The following CRPPA variants were observed in gnomAD, a reference collection of about 807,000 sequenced individuals.
CRPPA encodes the protein D-ribitol-5-phosphate cytidylyltransferase.
In CRPPA, 43 loss-of-function variants were observed where a neutral mutation model predicts 52.0. The observed-to-expected ratio is 0.83, with a 90% CI of 0.65 to 1.07. The LOEUF is 1.07. Among genes scored for constraint, CRPPA ranks in the 50% least tolerant of loss-of-function variants. The probability of loss-of-function intolerance (pLI) is 0.00; values close to 1 mark genes in which losing one functional copy is unlikely to be tolerated. For synonymous variants in CRPPA, 250 were observed against 203.5 expected (o/e 1.23, Z -1.94); for missense variants, 629 against 551.7 (o/e 1.14, Z -1.40).
At chr7:16,342,776 A>ATAT (rs1208824325) in intron 3 of CRPPA, among the ~76,000 whole-genome samples, 6 of 55,630 alleles carry the variant, frequency 1.1e-4, no homozygotes, top group African/African-American at 3.6e-4. Flanking sequence ...AAAAAAAAAA[A>ATAT]AAAAAAATAT....
intron 9 of CRPPA, among the ~76,000 whole-genome samples, chr7:16,182,615 T>C (rs935127477): frequency 6.6e-6 from 1 of 152,136 alleles, no homozygotes; most frequent in African/African-American, 2.4e-5. Flanking sequence ...ATCTACACAA[T>C]CCTCTTATTA....
chr7:16,141,635 G>A (rs558048256), intron 9 of CRPPA, among the ~76,000 whole-genome samples: 1 of 152,264 alleles, frequency 6.6e-6, no homozygotes, highest in South Asian at 2.1e-4. Flanking sequence ...CAGTGTGTTA[G>A]AAGGATTCTT....
At chr7:16,229,158 C>T (rs1782726513) in intron 8 of CRPPA, among the ~76,000 whole-genome samples, 1 of 151,924 alleles carries the variant, frequency 6.6e-6, no homozygotes, top group East Asian at 1.9e-4. Context: ...CCTTCACTTT[C>T]AGTTTGTGTG....
Position 16,174,484 on chromosome 7 carries a change from T to G in CRPPA, c.1251+41582A>C, listed in dbSNP as rs1339448317. Among the ~76,000 whole-genome samples, 3 of 152,276 alleles carry G rather than the reference T, an allele frequency of 2.0e-5. No homozygotes were observed. In the East Asian group the frequency reaches 5.8e-4, roughly 29 times the overall value. ...ATAAGCAAATGGCAGACTTGGACCA[T>G]GGGTGTAGTTTGCTGACCCATGCAA... On this transcript the variant is annotated intron_variant, in intron 9 of 9. Coordinates refer to ENST00000407010, the MANE Select transcript of CRPPA (RefSeq NM_001101426.4).
At position 16,308,603 on chromosome 7, in the gene CRPPA, C is replaced by A; in HGVS notation, c.709G>T (p.Gly237Ter). The change falls in exon 4 of 10, where the codon GGA becomes TGA. Residue 237 changes from glycine (G) to a stop codon, truncating the protein, a stop_gained. Coordinates refer to ENST00000407010, the MANE Select transcript of CRPPA (RefSeq NM_001101426.4). LOFTEE classifies it high-confidence loss of function. The stretch of plus-strand genomic sequence containing the variant: ...AGGGCCAATTGCAAACACTCAGTTC[C>A]AAATTCCAAGTCATAGTCACTACAC... Reference protein sequence around the residue: ...QQCSDYDLEFGTECLQLALKY... With the variant: ...QQCSDYDLEF 1 of 1,608,566 alleles carries A rather than the reference C, an allele frequency of 6.2e-7. No homozygotes were observed. The highest frequency in any genetic ancestry group is 8.5e-7 in the Non-Finnish European group (1 of 1,176,414).
intron 5 of CRPPA, among the ~76,000 whole-genome samples, chr7:16,294,936 T>C (rs1277469404): frequency 6.6e-6 from 1 of 152,050 alleles, no homozygotes; most frequent in Non-Finnish European, 1.5e-5. Flanking sequence ...GCACTTCAAA[T>C]GCCATAATTT....
chr7:16,154,952 C>A (rs539741041), intron 9 of CRPPA, among the ~76,000 whole-genome samples: 1 of 149,210 alleles, frequency 6.7e-6, no homozygotes, highest in African/African-American at 2.5e-5. Context: ...GGACATGCAC[C>A]ACACACCCAG....
At chr7:16,170,303 T>C (rs1781152899) in intron 9 of CRPPA, among the ~76,000 whole-genome samples, 1 of 152,206 alleles carries the variant, frequency 6.6e-6, no homozygotes, top group South Asian at 2.1e-4. Flanking sequence ...GAACCCAGTG[T>C]GTTCAGAATT....
chr7:16,323,050 TTCCA>T (rs2128427861), intron 3 of CRPPA, among the ~76,000 whole-genome samples: 1 of 152,198 alleles, frequency 6.6e-6, no homozygotes, highest in East Asian at 1.9e-4. Flanking sequence ...ATCTAATTAC[TTCCA>T]CCTGGTACCG....
chr7:16,349,925 T>C (rs4529354), intron 3 of CRPPA, among the ~76,000 whole-genome samples: 24,916 of 151,840 alleles, frequency 0.16, 2,562 homozygotes, highest in South Asian at 0.42. Flanking sequence ...CTAAATAAGA[T>C]GAATCCAAAG....
intron 9 of CRPPA, among the ~76,000 whole-genome samples, chr7:16,116,456 G>A (rs2128368492): frequency 6.6e-6 from 1 of 152,216 alleles, no homozygotes; most frequent in South Asian, 2.1e-4. Context: ...CCTGAGGTCA[G>A]GCATTCAAGA....
intron 9 of CRPPA, among the ~76,000 whole-genome samples, chr7:16,206,344 T>G (rs780074103): frequency 1.6e-4 from 24 of 152,152 alleles, no homozygotes; most frequent in Non-Finnish European, 3.1e-4. Context: ...CTTGCAAGCC[T>G]ATGAACAAAA....
intron 9 of CRPPA, among the ~76,000 whole-genome samples, chr7:16,178,350 A>C (rs900211335): frequency 8.5e-5 from 13 of 152,086 alleles, no homozygotes; most frequent in African/African-American, 3.1e-4. Context: ...GTACCATATG[A>C]AGTACAGTTG....
intron 8 of CRPPA, among the ~76,000 whole-genome samples, chr7:16,239,559 CA>C (rs751232682): frequency 0.065 from 3,098 of 47,550 alleles, 56 homozygotes; most frequent in African/African-American, 0.21. Flanking sequence ...AAGTCAATAG[CA>C]AAAAAAAAAA....
rs146173357 is a variant in CRPPA, at chr7:16,365,365, G to C, written c.684+10727C>G. Among the ~76,000 whole-genome samples the C allele has an allele frequency of 2.4e-3, 365 of 152,302 alleles. 1 individual carries two copies. Among genetic ancestry groups the C allele is most frequent in the African/African-American group, 8.1e-3 (338 of 41,582 alleles). On this transcript the variant is annotated intron_variant, in intron 3 of 9. Coordinates refer to ENST00000407010, the MANE Select transcript of CRPPA (RefSeq NM_001101426.4). ...TGTGATGAAGTGACCAGCTGTGTTT[G>C]TGAAATAATGGCCAGATTTGTAATC...
chr7:16,300,311 C>T (rs1042195494), intron 5 of CRPPA, among the ~76,000 whole-genome samples: 1 of 152,082 alleles, frequency 6.6e-6, no homozygotes, highest in South Asian at 2.1e-4. Flanking sequence ...TAAATTGATG[C>T]ACTCAGAATG....
At chr7:16,146,155 G>T (rs1021696165) in intron 9 of CRPPA, among the ~76,000 whole-genome samples, 4 of 151,474 alleles carry the variant, frequency 2.6e-5, no homozygotes, top group African/African-American at 7.3e-5. Context: ...AGAGAAAACG[G>T]GAAAATGTAA....
At chr7:16,095,674 T>C (rs1006317443) in intron 9 of CRPPA, among the ~76,000 whole-genome samples, 8 of 152,170 alleles carry the variant, frequency 5.3e-5, no homozygotes, top group African/African-American at 1.7e-4. Context: ...GAGAGCTTTT[T>C]TCCAATCTAC....
intron 5 of CRPPA, among the ~76,000 whole-genome samples, chr7:16,285,548 T>C (rs184387387): frequency 6.6e-6 from 1 of 152,268 alleles, no homozygotes; most frequent in East Asian, 1.9e-4. Flanking sequence ...TCTACAGCAT[T>C]TAAAGGTCAC....
Sources: gnomAD v4.1 joint callset for allele counts (sites outside exome capture counted in the v4.1 genomes callset) on GRCh38, gnomAD v4.1.1 for gene constraint, MANE v1.5 for transcripts, NCBI Gene and HGNC (gene_info 2026-07-23, HGNC 2026-07-21) for gene names.